ANKRD44: variants seen among roughly 807,000 people sequenced by gnomAD.
ANKRD44 encodes serine/threonine-protein phosphatase 6 regulatory ankyrin repeat subunit B.
In ANKRD44, 35 loss-of-function variants were observed where a neutral mutation model predicts 116.0. That is an observed-to-expected ratio of 0.30 (90% CI 0.23 to 0.40). The LOEUF (loss-of-function observed/expected upper bound fraction) is 0.40, where lower values mean the gene tolerates loss of function less well. Ranked by LOEUF, ANKRD44 falls within the 10% of genes least tolerant of loss-of-function variation. The pLI, the probability that ANKRD44 is intolerant of heterozygous loss-of-function variation, is 1.00. For missense variants in ANKRD44, 1,014 were observed against 1,242.6 expected (o/e 0.82, Z 2.77); for synonymous variants, 435 against 461.8 (o/e 0.94, Z 0.74).
chr2:197,276,201 G>A (rs1256862390), intron 1 of ANKRD44, among the ~76,000 whole-genome samples: 1 of 151,176 alleles, frequency 6.6e-6, no homozygotes, highest in Non-Finnish European at 1.5e-5. Flanking sequence ...CTTGAACCTG[G>A]GAGGTAGAAG....
chr2:197,063,498 C>A (rs2077363293), intron 16 of ANKRD44, among the ~76,000 whole-genome samples: 1 of 152,106 alleles, frequency 6.6e-6, no homozygotes, highest in African/African-American at 2.4e-5. Context: ...GATGATCAAA[C>A]TTCTCCCAGC....
intron 21 of ANKRD44, among the ~76,000 whole-genome samples, chr2:196,969,794 C>T (rs530096716): frequency 1.3e-5 from 2 of 152,240 alleles, no homozygotes; most frequent in East Asian, 1.9e-4. Flanking sequence ...TTTAATGCTA[C>T]GTTAATAGTG....
intron 1 of ANKRD44, among the ~76,000 whole-genome samples, chr2:197,243,630 G>C (rs1169920882): frequency 6.6e-6 from 1 of 152,208 alleles, no homozygotes; most frequent in African/African-American, 2.4e-5. Context: ...CACAGTTCTG[G>C]AGACTGGCAA....
chr2:197,039,816 A>G (rs1272040958), intron 16 of ANKRD44, among the ~76,000 whole-genome samples: 2 of 152,096 alleles, frequency 1.3e-5, no homozygotes, highest in Non-Finnish European at 2.9e-5. Flanking sequence ...TTAGGATGCA[A>G]GAGAGTAAGA....
intron 1 of ANKRD44, among the ~76,000 whole-genome samples, chr2:197,240,510 C>T (rs1398207076): frequency 6.6e-6 from 1 of 151,428 alleles, no homozygotes; most frequent in Non-Finnish European, 1.5e-5. Flanking sequence ...GATGGAAATC[C>T]CTAAAACTGT....
chr2:197,216,756 GA>G (rs1250279861), intron 1 of ANKRD44, among the ~76,000 whole-genome samples: 1 of 151,948 alleles, frequency 6.6e-6, no homozygotes, highest in Non-Finnish European at 1.5e-5. Context: ...TTTTCCAGCA[GA>G]AAAACATTTC....
At chr2:196,985,920 T>C (rs2075833426), downstream of ANKRD44, among the ~76,000 whole-genome samples, 1 of 152,232 alleles carries the variant, frequency 6.6e-6, no homozygotes, top group Non-Finnish European at 1.5e-5. Flanking sequence ...ATGGAGGTTC[T>C]TGTGTTGTTA....
At chr2:197,066,766 G>A (rs1185130118) in intron 16 of ANKRD44, among the ~76,000 whole-genome samples, 1 of 152,134 alleles carries the variant, frequency 6.6e-6, no homozygotes, top group Non-Finnish European at 1.5e-5. Context: ...ACAAACCACT[G>A]CTCAATGAAA....
chr2:196,997,603 C>A (rs1225455208), intron 25 of ANKRD44, among the ~76,000 whole-genome samples: 1 of 151,840 alleles, frequency 6.6e-6, no homozygotes, highest in Non-Finnish European at 1.5e-5. Flanking sequence ...GCATGCGCCA[C>A]CATGCCCGGG....
At chr2:197,001,420 C>T (rs999781976) in intron 22 of ANKRD44, among the ~76,000 whole-genome samples, 2 of 152,232 alleles carry the variant, frequency 1.3e-5, no homozygotes, top group Admixed American at 6.5e-5. Flanking sequence ...TGTAGGCATA[C>T]TGTTGTCAAC....
chr2:197,070,562 A>G (rs935036064), intron 16 of ANKRD44, among the ~76,000 whole-genome samples: 6 of 152,182 alleles, frequency 3.9e-5, no homozygotes, highest in African/African-American at 1.2e-4. Flanking sequence ...ATTTTCAAAT[A>G]TTGAAACAGG....
intron 2 of ANKRD44, among the ~76,000 whole-genome samples, chr2:197,162,972 T>C (rs921015290): frequency 6.6e-6 from 1 of 152,128 alleles, no homozygotes; most frequent in African/African-American, 2.4e-5. Flanking sequence ...GTTTCTGTGG[T>C]GAGACAGAGA....
At chr2:197,065,806 C>A (rs1386727127) in intron 16 of ANKRD44, among the ~76,000 whole-genome samples, 1 of 152,060 alleles carries the variant, frequency 6.6e-6, no homozygotes, top group East Asian at 1.9e-4. Context: ...AATAGCCTAC[C>A]AACCAAAAAA....
At chr2:197,116,420 G>A (rs1445770357) in intron 8 of ANKRD44, among the ~76,000 whole-genome samples, 1 of 152,176 alleles carries the variant, frequency 6.6e-6, no homozygotes, top group Non-Finnish European at 1.5e-5. Context: ...TGGGAACGCT[G>A]GCAGTTTGAC....
intron 16 of ANKRD44, among the ~76,000 whole-genome samples, chr2:197,034,490 T>C (rs2076772081): frequency 6.7e-6 from 1 of 149,100 alleles, no homozygotes; most frequent in Non-Finnish European, 1.5e-5. Flanking sequence ...TGGACTTCTA[T>C]TGGCACAATA....
intron 1 of ANKRD44, among the ~76,000 whole-genome samples, chr2:197,253,391 G>C (rs1475580391): frequency 1.3e-5 from 2 of 152,022 alleles, no homozygotes; most frequent in African/African-American, 4.8e-5. Context: ...GTTTATTAAT[G>C]TATTCAATAA....
intron 16 of ANKRD44, among the ~76,000 whole-genome samples, chr2:197,031,758 G>A (rs1400667423): frequency 6.6e-6 from 1 of 152,056 alleles, no homozygotes; most frequent in African/African-American, 2.4e-5. Flanking sequence ...TATATTGGTA[G>A]TATGAGACAC....
At chr2:197,081,566 G>T in intron 15 of ANKRD44, 79 bp downstream of exon 15, 1 of 1,289,686 alleles carries the variant, frequency 7.8e-7, no homozygotes, top group South Asian at 1.2e-5. Flanking sequence ...AAAATAGTAA[G>T]GCAGGCAACG....
intron 16 of ANKRD44, among the ~76,000 whole-genome samples, chr2:197,033,020 A>G (rs905117989): frequency 1.3e-5 from 2 of 151,944 alleles, no homozygotes; most frequent in Non-Finnish European, 2.9e-5. Context: ...GGAGGTGTCT[A>G]GTGGACGGCT....
Sources: allele counts gnomAD v4.1 joint callset (sites outside exome capture counted in the v4.1 genomes callset), GRCh38; gene constraint gnomAD v4.1.1; transcripts MANE v1.5; gene names NCBI Gene and HGNC (gene_info 2026-07-23, HGNC 2026-07-21).